Variants in PTK2 observed in about 807,000 individuals in gnomAD.
PTK2 encodes focal adhesion kinase 1.
A neutral mutation model predicts 150.1 loss-of-function variants in PTK2; 45 were observed. That is an observed-to-expected ratio of 0.30 (90% CI 0.24 to 0.38). The LOEUF is 0.38. Among genes scored for constraint, PTK2 ranks in the 10% least tolerant of loss-of-function variants. PTK2 has a pLI of 1.00. For synonymous variants in PTK2, 432 were observed against 449.2 expected (o/e 0.96, Z 0.48); for missense variants, 919 against 1,307.3 (o/e 0.70, Z 4.58).
intron 7 of PTK2, among the ~76,000 whole-genome samples, chr8:140,832,496 A>G (rs2100116062): frequency 6.6e-6 from 1 of 152,192 alleles, no homozygotes; most frequent in Non-Finnish European, 1.5e-5. Flanking sequence ...AAGACTGTTT[A>G]TGAAGTTCCT....
At chr8:140,949,397 G>A (rs897077196) in intron 1 of PTK2, among the ~76,000 whole-genome samples, 9 of 152,208 alleles carry the variant, frequency 5.9e-5, no homozygotes, top group African/African-American at 2.2e-4. Flanking sequence ...TGGCGGGGCA[G>A]GAGCCCCACA....
At chr8:140,992,046 C>T (rs535433138) in intron 1 of PTK2, among the ~76,000 whole-genome samples, 2 of 152,206 alleles carry the variant, frequency 1.3e-5, no homozygotes, top group East Asian at 1.9e-4. Context: ...AATCTCAGCA[C>T]TTTGGGAGGC....
rs866471358 is a variant in PTK2 at position 140,820,076 on chromosome 8, G to T, written c.649-1056C>A. ...AGAGGAGTGACTTTATCTGACTTTGGTTTTTTTTTTTTTTTTTTTTTTTTT... is the reference window on the plus strand; with the variant it reads ...AGAGGAGTGACTTTATCTGACTTTGTTTTTTTTTTTTTTTTTTTTTTTTTT... On this transcript the variant is annotated intron_variant, in intron 8 of 31. Coordinates refer to ENST00000522684, the Ensembl canonical transcript of PTK2. Among the ~76,000 whole-genome samples the T allele has an allele frequency of 8.3e-3, 418 of 50,186 alleles. 2 individuals carry two copies. The highest frequency in any genetic ancestry group is 0.039 in the East Asian group (62 of 1,572). The allele number at this position is 50,186 out of a possible 152,430, so 32.9% of individuals were successfully genotyped here. A position where few individuals can be genotyped will look rare whatever the true frequency, so the allele number is the denominator to read the frequency against.
intron 26 of PTK2, 92 bp downstream of exon 29, chr8:140,700,799 G>T: frequency 6.7e-7 from 1 of 1,485,198 alleles, no homozygotes. Flanking sequence ...TAACTCTCCT[G>T]CTTTGAAAGA....
chr8:140,998,554 C>T (rs946788755), intron 1 of PTK2, among the ~76,000 whole-genome samples: 1 of 151,954 alleles, frequency 6.6e-6, no homozygotes. Context: ...CGCAGTGGCT[C>T]ACGCCTGTAA....
At chr8:140,910,711 T>A (rs1039285748) in intron 2 of PTK2, among the ~76,000 whole-genome samples, 1 of 152,164 alleles carries the variant, frequency 6.6e-6, no homozygotes, top group Non-Finnish European at 1.5e-5. Flanking sequence ...CATGAAATCT[T>A]CCCAGCTCTA....
intron 1 of PTK2, among the ~76,000 whole-genome samples, chr8:140,959,410 G>C (rs1425595338): frequency 6.6e-6 from 1 of 151,294 alleles, no homozygotes; most frequent in African/African-American, 2.4e-5. Context: ...ATGGTGGCGG[G>C]TGCCTGTAGT....
chr8:140,680,152 T>C (rs80175495), intron 27 of PTK2, among the ~76,000 whole-genome samples: 1 of 152,288 alleles, frequency 6.6e-6, no homozygotes, highest in African/African-American at 2.4e-5. Context: ...CACTAAGCAC[T>C]CTTACTATTG....
intron 27 of PTK2, among the ~76,000 whole-genome samples, chr8:140,682,343 C>T (rs1030436768): frequency 6.6e-6 from 1 of 152,162 alleles, no homozygotes; most frequent in Non-Finnish European, 1.5e-5. Context: ...TACTCCAGCT[C>T]TGGGTGACAG....
chr8:140,690,492 T>C (rs917116193), intron 26 of PTK2, among the ~76,000 whole-genome samples: 27 of 152,222 alleles, frequency 1.8e-4, no homozygotes, highest in African/African-American at 5.5e-4. Context: ...ATTTAATAGT[T>C]ACATGATTTT....
chr8:140,884,311 G>T (rs924436549), intron 3 of PTK2, among the ~76,000 whole-genome samples: 1 of 151,918 alleles, frequency 6.6e-6, no homozygotes, highest in Non-Finnish European at 1.5e-5. Context: ...TCTTTAACAT[G>T]GCTTTTATGC....
exon 6 of PTK2, chr8:140,846,648 C>T: frequency 6.2e-7 from 1 of 1,612,466 alleles, no homozygotes; most frequent in Non-Finnish European, 8.5e-7. Context: ...TCCACTTGAT[C>T]AGCTATCTCT....
At chr8:140,928,224 C>T (rs1472892501) in intron 1 of PTK2, among the ~76,000 whole-genome samples, 2 of 151,830 alleles carry the variant, frequency 1.3e-5, no homozygotes, top group Non-Finnish European at 2.9e-5. Flanking sequence ...CTAATTCTAT[C>T]TAAAAATTTG....
chr8:140,783,610 A>G (rs537582629), intron 14 of PTK2, among the ~76,000 whole-genome samples: 1 of 152,232 alleles, frequency 6.6e-6, no homozygotes, highest in African/African-American at 2.4e-5. Context: ...TATTTTATAG[A>G]ACTTTACAGT....
intron 5 of PTK2, 81 bp from the exon 6 acceptor site, chr8:140,846,759 G>T: frequency 1.0e-6 from 1 of 959,092 alleles, no homozygotes; most frequent in African/African-American, 1.7e-5. Flanking sequence ...TGTTTCCTGA[G>T]TACCTTTCAT....
chr8:140,889,752 CA>C (rs1270335597), intron 3 of PTK2, among the ~76,000 whole-genome samples: 5 of 151,974 alleles, frequency 3.3e-5, no homozygotes, highest in African/African-American at 9.7e-5. Flanking sequence ...AGGTATTTAA[CA>C]CTTCATCAAA....
At chr8:140,937,591 A>G (rs184142491) in intron 1 of PTK2, among the ~76,000 whole-genome samples, 2 of 151,922 alleles carry the variant, frequency 1.3e-5, no homozygotes, top group Admixed American at 1.3e-4. Context: ...ACAATAAAAA[A>G]AAAAAAAACA....
intron 1 of PTK2, among the ~76,000 whole-genome samples, chr8:140,953,808 T>C (rs1375063): frequency 0.97 from 147,094 of 152,170 alleles, 71,275 homozygotes; most frequent in East Asian, 1. Flanking sequence ...TTTTTTGAGA[T>C]GGACTCTTGC....
intron 13 of PTK2, among the ~76,000 whole-genome samples, chr8:140,791,664 G>A (rs1212062985): frequency 6.6e-6 from 1 of 152,120 alleles, no homozygotes; most frequent in Non-Finnish European, 1.5e-5. Flanking sequence ...TGCTCTCCTG[G>A]CTTGGGGGTG....
Sources: gnomAD v4.1 joint callset for allele counts (sites outside exome capture counted in the v4.1 genomes callset) on GRCh38, gnomAD v4.1.1 for gene constraint, MANE v1.5 for transcripts, NCBI Gene and HGNC (gene_info 2026-07-23, HGNC 2026-07-21) for gene names.